The following ELAVL3 variants were observed in gnomAD, a reference collection of about 807,000 sequenced individuals.
ELAVL3 encodes the protein ELAV-like protein 3.
In ELAVL3, 8 loss-of-function variants were observed where a neutral mutation model predicts 34.2. The observed-to-expected ratio is 0.23, with a 90% CI of 0.14 to 0.42. The LOEUF is 0.42. ELAVL3 is among the 10% of genes least tolerant of loss of function. ELAVL3 has a pLI of 1.00. For missense variants in ELAVL3, 273 were observed against 518.8 expected (o/e 0.53, Z 4.60); for synonymous variants, 209 against 222.1 (o/e 0.94, Z 0.53).
In ELAVL3 at chr19:11,464,165, ATATTT is replaced by A. The variant is rs1189099541; in HGVS notation, c.333+2002_333+2006del. On this transcript the variant is annotated intron_variant, in intron 3 of 6. Coordinates refer to ENST00000359227, the MANE Select transcript of ELAVL3 (RefSeq NM_001420.4). ...TCTCTCTCTCTCTATATATATATAT[ATATTT>A]TTTTTTTTTTTAGACAGGGTCTTGC... is the stretch of plus-strand genomic sequence containing the variant. 1.3e-3 allele frequency among the ~76,000 whole-genome samples: 144 copies of A among 111,058 alleles called. 1 individual carries two copies. Among genetic ancestry groups the A allele is most frequent in the African/African-American group, 6.2e-3 (137 of 22,160 alleles). 72.9% of individuals were successfully genotyped at this position (111,058 alleles called of 152,430 possible).
intron 1 of ELAVL3, among the ~76,000 whole-genome samples, chr19:11,470,138 G>A (rs1971134695): frequency 6.6e-6 from 1 of 151,598 alleles, no homozygotes; most frequent in Non-Finnish European, 1.5e-5. Flanking sequence ...GAGGATCACT[G>A]GAGGTCAGGA....
chr19:11,471,543 A>G lies in ELAVL3; in HGVS notation c.10-4716T>C, dbSNP rs1003617729. 1.4e-4 allele frequency among the ~76,000 whole-genome samples: 21 copies of G among 151,544 alleles called. No individual in the cohort carries two copies. In the East Asian group the frequency reaches 3.9e-3, roughly 28 times the overall value. ...CAGGAGAATTCCTTGAACCTGGGAGACGGAGTTTGCAGTGAGCTGAGATCG... is the reference window on the plus strand; with the variant it reads ...CAGGAGAATTCCTTGAACCTGGGAGGCGGAGTTTGCAGTGAGCTGAGATCG... On this transcript the variant is annotated intron_variant, in intron 1 of 6. Coordinates refer to ENST00000359227, the MANE Select transcript of ELAVL3 (RefSeq NM_001420.4).
intron 3 of ELAVL3, among the ~76,000 whole-genome samples, chr19:11,464,688 CCA>C (rs1308307688): frequency 7.4e-5 from 5 of 67,922 alleles, no homozygotes; most frequent in East Asian, 9.3e-4. Flanking sequence ...CACACACCCC[CCA>C]CACACATACA....
intron 1 of ELAVL3, among the ~76,000 whole-genome samples, chr19:11,474,546 CCATTGCACTCCAG>C (rs1363165579): frequency 6.6e-6 from 1 of 151,954 alleles, no homozygotes; most frequent in Middle Eastern, 3.2e-3. Context: ...TGAGACTGTG[CCATTGCACTCCAG>C]CATTGCACAC....
rs1971062936 is a variant in ELAVL3 at position 11,466,817 on chromosome 19, C to T, written c.20G>A (p.Gly7Glu). The change falls in exon 2 of 7, where the codon GGG (glycine) becomes GAG (glutamate). Residue 7 changes from glycine (G) to glutamate (E), a missense_variant. Gly to Glu is a moderately conservative substitution (Grantham distance 98). Coordinates refer to ENST00000359227, the MANE Select transcript of ELAVL3 (RefSeq NM_001420.4). The surrounding 1 kb of genome is among the most constrained non-coding windows in gnomAD (Gnocchi z 5.0). ...CCCCCCCACCTGAGACTCCATGGCCCCCAGTATCTGCTGGAGATAACAGGT... is the reference window on the plus strand; with the variant it reads ...CCCCCCCACCTGAGACTCCATGGCCTCCAGTATCTGCTGGAGATAACAGGT... MVTQIL[G>E]AMESQVGGGP... is the part of the protein sequence containing the mutation. 6.2e-7 allele frequency: 1 copy of T among 1,605,808 alleles called. No homozygotes were observed. Among genetic ancestry groups the T allele is most frequent in the Non-Finnish European group, 8.5e-7 (1 of 1,175,974 alleles).
chr19:11,479,959 C>A (rs1410398440), intron 1 of ELAVL3, among the ~76,000 whole-genome samples: 1 of 151,266 alleles, frequency 6.6e-6, no homozygotes, highest in Non-Finnish European at 1.5e-5. Flanking sequence ...TCCCCTCCCC[C>A]TCCCCGCAGC....
At chr19:11,465,969 G>C (rs184474429) in intron 3 of ELAVL3, among the ~76,000 whole-genome samples, 1 of 152,096 alleles carries the variant, frequency 6.6e-6, no homozygotes, top group Non-Finnish European at 1.5e-5. Flanking sequence ...CCATTGACAG[G>C]TGAGGAAACT....
Position 11,458,750 on chromosome 19 carries a change from C to A in ELAVL3, c.334-139G>T. The stretch of plus-strand genomic sequence containing the variant: ...TCAATAAGTATCTCTAGAGTTGTCA[C>A]CGTGGGGTGGGGCTGAGTCAGATAT... On this transcript the variant is annotated intron_variant, in intron 3 of 6. Transcript: ENST00000359227. This position sits in a 1 kb window ranked among gnomAD's most constrained non-coding sequence, Gnocchi z 7.3. The A allele has an allele frequency of 8.5e-7, 1 of 1,182,854 alleles. No homozygotes were observed. Among genetic ancestry groups the A allele is most frequent in the South Asian group, 1.5e-5 (1 of 68,412 alleles). The allele number at this position is 1,182,854 out of a possible 1,614,324, so 73.3% of individuals were successfully genotyped here.
chr19:11,464,628 CCA>C (rs1970974033), intron 3 of ELAVL3, among the ~76,000 whole-genome samples: 2 of 142,572 alleles, frequency 1.4e-5, no homozygotes, highest in African/African-American at 2.6e-5. Context: ...CACACACACA[CCA>C]CACACACCAC....
chr19:11,479,526 C>T (rs1188829870), intron 1 of ELAVL3, among the ~76,000 whole-genome samples: 2 of 151,746 alleles, frequency 1.3e-5, no homozygotes, highest in Non-Finnish European at 2.9e-5. Context: ...GGAGCGGAGT[C>T]GCGCGGCAGG....
intron 3 of ELAVL3, among the ~76,000 whole-genome samples, chr19:11,461,684 AC>A (rs922344460): frequency 7.3e-5 from 11 of 151,232 alleles, no homozygotes; most frequent in African/African-American, 1.7e-4. Flanking sequence ...CACAGCCTTG[AC>A]CCCCCCGGGC....
chr19:11,465,048 TACAC>T (rs1304784988), intron 3 of ELAVL3, among the ~76,000 whole-genome samples: 11 of 48,248 alleles, frequency 2.3e-4, no homozygotes, highest in African/African-American at 8.3e-4. Flanking sequence ...ACCACACACA[TACAC>T]ACATACACAC....
chr19:11,451,400 C>T lies in ELAVL3; in HGVS notation c.*3126G>A, dbSNP rs1399912402. On this transcript the variant is annotated 3_prime_UTR_variant, in exon 7 of 7. Transcript: ENST00000359227. ...ACAATTCCATGTAAAAGTCTGTTAC[C>T]GCGGCCAGGCCTGTGATCCCGGTAA... 2.0e-5 allele frequency: 3 copies of T among 150,920 alleles called. No homozygotes were observed. Among genetic ancestry groups the T allele is most frequent in the Non-Finnish European group, 2.9e-5 (2 of 67,936 alleles). The allele number at this position is 150,920 out of a possible 1,614,324, so 9.3% of individuals were successfully genotyped here. A position where few individuals can be genotyped will look rare whatever the true frequency, so the allele number is the denominator to read the frequency against.
In ELAVL3 at chr19:11,458,397, G is replaced by T; in HGVS notation, c.487+61C>A. On this transcript the variant is annotated intron_variant, in intron 4 of 6. Coordinates refer to ENST00000359227, the MANE Select transcript of ELAVL3 (RefSeq NM_001420.4). This position sits in a 1 kb window ranked among gnomAD's most constrained non-coding sequence, Gnocchi z 7.3. ...CATCTTGGTCGGTTTCCCCACGTTG[G>T]TCCCACCTGACTGCCTTTGCCCAGC... 6.2e-7 allele frequency: 1 copy of T among 1,610,082 alleles called. No individual in the cohort carries two copies. Among genetic ancestry groups the T allele is most frequent in the Non-Finnish European group, 8.5e-7 (1 of 1,177,966 alleles).
intron 1 of ELAVL3, among the ~76,000 whole-genome samples, chr19:11,479,682 T>G (rs1393778203): frequency 2.0e-5 from 3 of 149,400 alleles, no homozygotes; most frequent in Non-Finnish European, 3.0e-5. Context: ...TGCCCGGGCG[T>G]GGCCAGGCAG....
rs950823031 is a variant in ELAVL3 at position 11,451,494 on chromosome 19, C to CTTTTTTTTTTTTTTTTTTTTTTTTTGTTT, written c.*3031_*3032insAAACAAAAAAAAAAAAAAAAAAAAAAAAA. 3.1e-5 allele frequency: 2 copies of CTTTTTTTTTTTTTTTTTTTTTTTTTGTTT among 65,530 alleles called. No homozygotes were observed. Among genetic ancestry groups the CTTTTTTTTTTTTTTTTTTTTTTTTTGTTT allele is most frequent in the Admixed American group, 1.6e-4 (1 of 6,116 alleles). 4.1% of individuals were successfully genotyped at this position (65,530 alleles called of 1,614,324 possible). A position where few individuals can be genotyped will look rare whatever the true frequency, so the allele number is the denominator to read the frequency against. ...TTTTTTTTTTTGTCTTTTGTTTTGT[C>CTTTTTTTTTTTTTTTTTTTTTTTTTGTTT]TTTTTTTTTTTTTTTTTTTTTACAG... On this transcript the variant is annotated 3_prime_UTR_variant, in exon 7 of 7. Coordinates refer to ENST00000359227, the MANE Select transcript of ELAVL3 (RefSeq NM_001420.4).
At position 11,458,948 on chromosome 19, in the gene ELAVL3, G is replaced by C. The variant is rs1372205842; in HGVS notation, c.334-337C>G. ...GCTTGACAGTCCATCAACAAACATT[G>C]ACCTTTTTTTTTTTTTAAAGACAGG... On this transcript the variant is annotated intron_variant, in intron 3 of 6. Coordinates refer to ENST00000359227, the MANE Select transcript of ELAVL3 (RefSeq NM_001420.4). The surrounding 1 kb of genome is among the most constrained non-coding windows in gnomAD (Gnocchi z 7.3). Among the ~76,000 whole-genome samples, 1 of 146,238 alleles carries C rather than the reference G, an allele frequency of 6.8e-6. No homozygotes were observed. The highest frequency in any genetic ancestry group is 6.9e-5 in the Admixed American group (1 of 14,568).
intron 1 of ELAVL3, among the ~76,000 whole-genome samples, chr19:11,478,894 G>A (rs570542852): frequency 1.6e-3 from 237 of 152,282 alleles, no homozygotes; most frequent in Non-Finnish European, 2.6e-3. Context: ...GCTATGCATG[G>A]TGAGGCTGGG....
chr19:11,473,492 ATAT>A (rs1326270516), intron 1 of ELAVL3, among the ~76,000 whole-genome samples: 1 of 152,260 alleles, frequency 6.6e-6, no homozygotes, highest in East Asian at 1.9e-4. Flanking sequence ...CAGCAGGTAC[ATAT>A]TATCTCAACC....
Sources: gnomAD v4.1 joint callset for allele counts (sites outside exome capture counted in the v4.1 genomes callset) on GRCh38, gnomAD v4.1.1 for gene constraint, Gnocchi (gnomAD v3.1) non-coding constraint, MANE v1.5 for transcripts, NCBI Gene and HGNC (gene_info 2026-07-23, HGNC 2026-07-21) for gene names.